LIPA: variants seen among roughly 807,000 people sequenced by gnomAD.
LIPA encodes lysosomal acid lipase/cholesteryl ester hydrolase.
A neutral mutation model predicts 40.6 loss-of-function variants in LIPA; 26 were observed. The ratio of observed to expected loss-of-function variants is 0.64; its 90% CI spans 0.47 to 0.89. The LOEUF (loss-of-function observed/expected upper bound fraction) is 0.89. Among genes scored for constraint, LIPA ranks in the 40% least tolerant of loss-of-function variants. The pLI is 0.00. For synonymous variants in LIPA, 188 were observed against 168.4 expected, an observed-to-expected ratio of 1.12 and a Z score of -0.90; for missense variants, 455 against 479.6, an observed-to-expected ratio of 0.95 and a Z score of 0.48.
chr10:89,373,195 C>T (rs761276258), intron 2 of LIPA, among the ~76,000 whole-genome samples: 2 of 151,760 alleles, frequency 1.3e-5, no homozygotes, highest in African/African-American at 2.4e-5. Context: ...ATTTGCCGGG[C>T]GTGGTGGTGG....
chr10:89,384,465 C>A (rs756778499), intron 2 of LIPA: 1 of 1,614,140 alleles, frequency 6.2e-7, no homozygotes, highest in Non-Finnish European at 8.5e-7. Flanking sequence ...ATTACCACTA[C>A]GGCCGTTTCC....
chr10:89,367,164 G>A (rs375465745), intron 2 of LIPA, among the ~76,000 whole-genome samples: 11 of 142,830 alleles, frequency 7.7e-5, no homozygotes, highest in South Asian at 2.5e-4. Context: ...ATCACACACC[G>A]GGGCCTGTCG....
intron 1 of LIPA, among the ~76,000 whole-genome samples, chr10:89,259,993 T>A (rs1173096427): frequency 6.6e-6 from 1 of 152,166 alleles, no homozygotes; most frequent in African/African-American, 2.4e-5. Context: ...TATATACACA[T>A]GTGAAAACTC....
chr10:89,318,187 T>C (rs578107559), intron 1 of LIPA, among the ~76,000 whole-genome samples: 1 of 152,080 alleles, frequency 6.6e-6, no homozygotes, highest in Admixed American at 6.5e-5. Context: ...GCTAACATGA[T>C]AAGGACAGGA....
chr10:89,233,243 T>A (rs1413561260), intron 3 of LIPA, among the ~76,000 whole-genome samples: 41 of 152,310 alleles, frequency 2.7e-4, no homozygotes, highest in Admixed American at 2.6e-3. Context: ...AATCTATTCT[T>A]TACAAGCTAA....
chr10:89,317,921 T>C (rs567043183), intron 1 of LIPA, among the ~76,000 whole-genome samples: 150 of 152,276 alleles, frequency 9.9e-4, no homozygotes, highest in African/African-American at 3.4e-3. Context: ...TTCAACATTC[T>C]TAAAGAGAAG....
chr10:89,383,181 G>A (rs1012551068), intron 2 of LIPA: 2 of 732,734 alleles, frequency 2.7e-6, no homozygotes, highest in African/African-American at 1.8e-5. Flanking sequence ...TGACATGACT[G>A]TAGAACCCAG....
chr10:89,243,662 A>C (rs1332329), intron 3 of LIPA, among the ~76,000 whole-genome samples: 58,257 of 151,862 alleles, frequency 0.38, 11,468 homozygotes, highest in South Asian at 0.53. Context: ...CCAAGGTCCC[A>C]TAAGTCTCCT....
At chr10:89,305,113 A>C (rs1309963037) in intron 1 of LIPA, among the ~76,000 whole-genome samples, 1 of 152,180 alleles carries the variant, frequency 6.6e-6, no homozygotes, top group African/African-American at 2.4e-5. Context: ...GGAGGAAAAA[A>C]AATTACATTT....
At position 89,218,672 on chromosome 10, in the gene LIPA, C is replaced by A. The variant is rs1212676363; in HGVS notation, c.895-2663G>T. Among the ~76,000 whole-genome samples the A allele has an allele frequency of 3.9e-5, 6 of 152,152 alleles. No homozygotes were observed. In the South Asian group the frequency reaches 6.2e-4, roughly 16 times the overall value. ...TGAGTTGGAAGAGACATGGAGGTGA[C>A]CGGGCTGCAACCAGGCAGAAGAGGA... On this transcript the variant is annotated intron_variant, in intron 8 of 9. Coordinates refer to ENST00000336233, the MANE Select transcript of LIPA (RefSeq NM_000235.4).
intron 2 of LIPA, among the ~76,000 whole-genome samples, chr10:89,386,946 AGTGTGTGTGTGTGT>A (rs756939371): frequency 2.4e-5 from 3 of 125,872 alleles, no homozygotes; most frequent in Middle Eastern, 3.9e-3. Flanking sequence ...TGGGTATATG[AGTGTGTGTGTGTGT>A]GTGTGTGTGT....
chr10:89,340,180 G>A (rs1193468055), intron 1 of LIPA: 1 of 1,517,450 alleles, frequency 6.6e-7, no homozygotes, highest in South Asian at 1.3e-5. Flanking sequence ...GTTGTGACGG[G>A]TAGGACGATA....
In LIPA at chr10:89,264,941, C is replaced by A. The variant is rs376103802; in HGVS notation, c.-1-17292G>T. Among the ~76,000 whole-genome samples the A allele has an allele frequency of 8.5e-5, 13 of 152,162 alleles. No individual in the cohort carries two copies. In the East Asian group the frequency reaches 9.7e-4, roughly 11 times the overall value. ...CCTGGGCTGTTTGTGCTGAGGGGAA[C>A]CCACAGGCCCATGCTAAGCAACCCT... is the stretch of plus-strand genomic sequence containing the variant. On this transcript the variant is annotated intron_variant, in intron 1 of 5. Transcript: ENST00000282673.
chr10:89,302,954 T>A (rs1381118427), intron 1 of LIPA, among the ~76,000 whole-genome samples: 1 of 152,018 alleles, frequency 6.6e-6, no homozygotes, highest in East Asian at 1.9e-4. Context: ...AGGTTCCTGA[T>A]TTCTCTTCTT....
intron 5 of LIPA, 75 bp downstream of exon 5, chr10:89,226,820 A>G (rs1468283786): frequency 4.6e-6 from 4 of 861,876 alleles, no homozygotes; most frequent in African/African-American, 3.4e-5. Flanking sequence ...ATCTTTTTAT[A>G]TTTCACTTTT....
intron 2 of LIPA, among the ~76,000 whole-genome samples, chr10:89,351,613 C>G (rs1251729469): frequency 1.3e-5 from 2 of 152,190 alleles, no homozygotes; most frequent in African/African-American, 4.8e-5. Context: ...AGAGTCAGAA[C>G]AGGCAATTAG....
At chr10:89,331,570 G>T (rs954848525) in intron 1 of LIPA, among the ~76,000 whole-genome samples, 1 of 152,152 alleles carries the variant, frequency 6.6e-6, no homozygotes. Context: ...TTTGTAAAGA[G>T]GTAACATGGC....
chr10:89,230,221 A>C (rs965172287), intron 3 of LIPA, among the ~76,000 whole-genome samples: 3 of 152,224 alleles, frequency 2.0e-5, no homozygotes, highest in African/African-American at 7.2e-5. Flanking sequence ...CTCAGCACTG[A>C]GAACACAGCA....
At chr10:89,402,672 C>G (rs376965843) in intron 2 of LIPA, 1 of 1,614,180 alleles carries the variant, frequency 6.2e-7, no homozygotes, top group Admixed American at 1.7e-5. Context: ...AAATCCCTTC[C>G]GCTATAGAAT....
Sources: gnomAD v4.1 joint callset for allele counts (sites outside exome capture counted in the v4.1 genomes callset) on GRCh38, gnomAD v4.1.1 for gene constraint, MANE v1.5 for transcripts, NCBI Gene and HGNC (gene_info 2026-07-23, HGNC 2026-07-21) for gene names.